The following SNTG1 variants were observed in gnomAD, a reference collection of about 807,000 sequenced individuals.
SNTG1 encodes syntrophin gamma 1.
SNTG1 carries 39 observed loss-of-function variants against 74.7 expected under a neutral mutation model. The ratio of observed to expected loss-of-function variants is 0.52; its 90% CI spans 0.40 to 0.68. SNTG1 has a LOEUF of 0.68. Among genes scored for constraint, SNTG1 ranks in the 30% least tolerant of loss-of-function variants. SNTG1 has a pLI of 0.00. For synonymous variants in SNTG1, 254 were observed against 217.1 expected, an observed-to-expected ratio of 1.17 and a Z score of -1.49; for missense variants, 685 against 609.5, an observed-to-expected ratio of 1.12 and a Z score of -1.30.
At position 50,363,671 on chromosome 8, in the gene SNTG1, C is replaced by CT. The variant is rs767104649; in HGVS notation, c.-27-30533dup. ...TTTTTTATTAGATTGAATACAAACA[C>CT]TTTTTTTTCTGTAAGAGGACTTGCA... On this transcript the variant is annotated intron_variant, in intron 2 of 18. Coordinates refer to ENST00000642720, the MANE Select transcript of SNTG1 (RefSeq NM_018967.5). Among the ~76,000 whole-genome samples the CT allele has an allele frequency of 4.6e-5, 7 of 152,072 alleles. No homozygotes were observed. The South Asian group carries it at 1.0e-3, about 23-fold the overall frequency.
chr8:50,605,406 A>T (rs748933768), intron 13 of SNTG1, among the ~76,000 whole-genome samples: 14 of 152,178 alleles, frequency 9.2e-5, no homozygotes, highest in Non-Finnish European at 1.8e-4. Flanking sequence ...GAGGCTTGCC[A>T]AAACTCAAGT....
At chr8:50,498,237 G>C (rs58467315) in intron 8 of SNTG1, among the ~76,000 whole-genome samples, 3 of 151,648 alleles carry the variant, frequency 2.0e-5, no homozygotes, top group African/African-American at 7.3e-5. Context: ...TAGTCTCTAA[G>C]CATTCCAGTT....
intron 16 of SNTG1, among the ~76,000 whole-genome samples, chr8:50,707,086 T>C (rs1249061188): frequency 2.6e-5 from 4 of 152,062 alleles, no homozygotes; most frequent in Non-Finnish European, 4.4e-5. Context: ...ATGATAGAAC[T>C]TGAGTCTGTA....
At position 50,359,288 on chromosome 8, in the gene SNTG1, A is replaced by G. The variant is rs527447075; in HGVS notation, c.-27-34924A>G. ...CACATTTACCACATTTATGCCTTAT[A>G]GACTTCTCAGCCCACAGGCTTCACT... On this transcript the variant is annotated intron_variant, in intron 2 of 18. Transcript: ENST00000642720. Among the ~76,000 whole-genome samples the G allele has an allele frequency of 7.1e-4, 108 of 152,276 alleles. 1 individual carries two copies. Among genetic ancestry groups the G allele is most frequent in the Admixed American group, 2.5e-3 (38 of 15,296 alleles).
rs149267658 is a variant in SNTG1 at position 50,582,727 on chromosome 8, T to A, written c.811-8152T>A. ...GAGGTTCCCATTTAAGCAAATACGATGACCTAGGCTTGGTTTTGAATAGCA... is the reference window on the plus strand; with the variant it reads ...GAGGTTCCCATTTAAGCAAATACGAAGACCTAGGCTTGGTTTTGAATAGCA... On this transcript the variant is annotated intron_variant, in intron 12 of 18. Coordinates refer to ENST00000642720, the MANE Select transcript of SNTG1 (RefSeq NM_018967.5). Among the ~76,000 whole-genome samples, 87 of 152,328 alleles carry A rather than the reference T, an allele frequency of 5.7e-4. No individual in the cohort carries two copies. In the East Asian group the frequency reaches 0.014, roughly 25 times the overall value.
intron 1 of SNTG1, among the ~76,000 whole-genome samples, chr8:50,105,474 T>TTTTGG (rs1563602785): frequency 6.6e-6 from 1 of 151,904 alleles, no homozygotes. Context: ...GTCTTCAGCT[T>TTTTGG]TTTTGTTTTG....
At chr8:50,602,301 A>T (rs1032897887) in intron 13 of SNTG1, among the ~76,000 whole-genome samples, 2 of 150,488 alleles carry the variant, frequency 1.3e-5, no homozygotes, top group Non-Finnish European at 2.9e-5. Context: ...TTTCAATTTG[A>T]GGTTGCCATG....
chr8:50,636,209 G>T (rs1225242301), intron 13 of SNTG1, among the ~76,000 whole-genome samples: 1 of 150,766 alleles, frequency 6.6e-6, no homozygotes, highest in Non-Finnish European at 1.5e-5. Context: ...CAGAAGAAAG[G>T]ACTCTTTTTC....
intron 1 of SNTG1, among the ~76,000 whole-genome samples, chr8:50,154,125 G>A (rs947332426): frequency 6.6e-6 from 1 of 152,066 alleles, no homozygotes; most frequent in East Asian, 1.9e-4. Context: ...CCCCAGCCTC[G>A]CTGCTGCCTT....
intron 2 of SNTG1, among the ~76,000 whole-genome samples, chr8:50,205,908 T>C (rs891274208): frequency 6.6e-6 from 1 of 152,184 alleles, no homozygotes; most frequent in African/African-American, 2.4e-5. Context: ...GAGGGCTCTG[T>C]TCTGTTCCAT....
intron 12 of SNTG1, among the ~76,000 whole-genome samples, chr8:50,578,313 T>C (rs897981855): frequency 3.3e-5 from 5 of 152,208 alleles, no homozygotes; most frequent in Non-Finnish European, 7.3e-5. Context: ...CTGAATTAGC[T>C]GGTGCCAATT....
At chr8:50,467,857 AT>A (rs1236176061) in intron 8 of SNTG1, among the ~76,000 whole-genome samples, 2 of 151,876 alleles carry the variant, frequency 1.3e-5, no homozygotes, top group East Asian at 3.9e-4. Flanking sequence ...AGTTCAAAAT[AT>A]TTTTAAATTC....
chr8:50,315,412 A>G (rs1385925520), intron 2 of SNTG1, among the ~76,000 whole-genome samples: 3 of 149,998 alleles, frequency 2.0e-5, no homozygotes, highest in Non-Finnish European at 4.4e-5. Context: ...CATTCCCCAC[A>G]AATTATATAG....
Position 50,609,999 on chromosome 8 carries a change from C to G in SNTG1, c.849+19082C>G, listed in dbSNP as rs934413458. On this transcript the variant is annotated intron_variant, in intron 13 of 18. Transcript: ENST00000642720. ...TTTCTATCAACTGCTTCTTTTTTCC[C>G]CCAGAAATGAATCTCACTTTCTTCT... Among the ~76,000 whole-genome samples, 233 of 152,092 alleles carry G rather than the reference C, an allele frequency of 1.5e-3. 1 individual carries two copies. Among genetic ancestry groups the G allele is most frequent in the African/African-American group, 5.4e-3 (223 of 41,532 alleles).
chr8:50,701,142 A>C (rs1403745020), intron 15 of SNTG1, among the ~76,000 whole-genome samples: 1 of 152,234 alleles, frequency 6.6e-6, no homozygotes, highest in African/African-American at 2.4e-5. Flanking sequence ...TTTTATTATA[A>C]GGAAAATGAA....
intron 8 of SNTG1, among the ~76,000 whole-genome samples, chr8:50,498,268 C>A (rs2093921359): frequency 6.6e-6 from 1 of 151,804 alleles, no homozygotes; most frequent in Non-Finnish European, 1.5e-5. Flanking sequence ...CTTACACACA[C>A]TTAGTATGTG....
intron 1 of SNTG1, among the ~76,000 whole-genome samples, chr8:50,039,893 G>A (rs865961783): frequency 1.3e-5 from 2 of 152,192 alleles, no homozygotes; most frequent in Non-Finnish European, 2.9e-5. Flanking sequence ...TGTGGAGGGT[G>A]AAGGAGGCCT....
intron 8 of SNTG1, among the ~76,000 whole-genome samples, chr8:50,487,130 A>G (rs2093803214): frequency 6.6e-6 from 1 of 152,208 alleles, no homozygotes; most frequent in East Asian, 1.9e-4. Context: ...AATCAAAACC[A>G]CAGTGAGATA....
chr8:50,388,110 A>G (rs945879386), intron 2 of SNTG1, among the ~76,000 whole-genome samples: 3 of 152,196 alleles, frequency 2.0e-5, no homozygotes, highest in Admixed American at 2.0e-4. Flanking sequence ...TCTCAGGCTC[A>G]TGGCTATAGG....
Sources: gnomAD v4.1 joint callset for allele counts (sites outside exome capture counted in the v4.1 genomes callset) on GRCh38, gnomAD v4.1.1 for gene constraint, MANE v1.5 for transcripts, NCBI Gene and HGNC (gene_info 2026-07-23, HGNC 2026-07-21) for gene names.